Variants in WDR37 observed in about 807,000 individuals in gnomAD.
WDR37 encodes WD repeat domain 37.
A neutral mutation model predicts 62.9 loss-of-function variants in WDR37; 19 were observed. The ratio of observed to expected loss-of-function variants is 0.30; its 90% CI spans 0.21 to 0.44. The LOEUF is 0.44. WDR37 is among the 20% of genes least tolerant of loss of function. WDR37 has a pLI of 1.00. For synonymous variants in WDR37, 250 were observed against 260.9 expected (o/e 0.96, Z 0.40); for missense variants, 474 against 657.6 (o/e 0.72, Z 3.05).
intron 2 of WDR37, among the ~76,000 whole-genome samples, chr10:1,077,338 T>C (rs1833907907): frequency 6.6e-6 from 1 of 152,184 alleles, no homozygotes; most frequent in South Asian, 2.1e-4. Flanking sequence ...AAAAAGTTAA[T>C]GTTTTCACTC....
intron 1 of WDR37, among the ~76,000 whole-genome samples, chr10:1,067,418 T>G (rs1209045486): frequency 1.3e-5 from 2 of 152,196 alleles, no homozygotes; most frequent in Non-Finnish European, 2.9e-5. Flanking sequence ...AAAAGTGTGA[T>G]GCATAGAAAA....
chr10:1,059,235 G>A (rs902434416), intron 1 of WDR37, among the ~76,000 whole-genome samples: 1 of 152,128 alleles, frequency 6.6e-6, no homozygotes, highest in African/African-American at 2.4e-5. Context: ...AATCAGCTGG[G>A]CATGGTGGCG....
chr10:1,116,589 A>T (rs1835409199), intron 11 of WDR37, among the ~76,000 whole-genome samples: 1 of 152,222 alleles, frequency 6.6e-6, no homozygotes, highest in Non-Finnish European at 1.5e-5. Flanking sequence ...AACTCTTAAT[A>T]ATAACTGGCT....
Position 1,127,700 on chromosome 10 carries a change from C to T in WDR37, c.1354-1513C>T, listed in dbSNP as rs902969777. ...CTCATTGGGCGTGAGGGTCCCTGCG[C>T]AAGGGTCTCTGTGACGTGGAGGCTC... On this transcript the variant is annotated intron_variant, in intron 13 of 13. Transcript: ENST00000263150. Among the ~76,000 whole-genome samples, 44 of 152,040 alleles carry T rather than the reference C, an allele frequency of 2.9e-4. 1 individual carries two copies. Among genetic ancestry groups the T allele is most frequent in the Non-Finnish European group, 5.9e-4 (40 of 68,010 alleles).
intron 11 of WDR37, among the ~76,000 whole-genome samples, chr10:1,119,562 T>A (rs1421488960): frequency 1.3e-5 from 2 of 152,222 alleles, no homozygotes; most frequent in Admixed American, 6.5e-5. Flanking sequence ...TGGGCCATGG[T>A]AAACACAGAT....
chr10:1,099,134 C>T (rs2131651746), intron 9 of WDR37, among the ~76,000 whole-genome samples: 1 of 152,312 alleles, frequency 6.6e-6, no homozygotes, highest in East Asian at 1.9e-4. Flanking sequence ...TAAAATTCTT[C>T]ACTTACTGTT....
intron 9 of WDR37, among the ~76,000 whole-genome samples, chr10:1,100,841 T>G (rs1039611584): frequency 2.0e-5 from 3 of 152,168 alleles, no homozygotes; most frequent in Non-Finnish European, 4.4e-5. Context: ...GCCTTCAAGG[T>G]GACGTACCGA....
intron 9 of WDR37, chr10:1,096,482 C>T (rs1834581124): frequency 5.3e-6 from 3 of 565,258 alleles, no homozygotes; most frequent in East Asian, 5.9e-5. Flanking sequence ...CCTGTGTTCT[C>T]AATCTCTCTG....
intron 8 of WDR37, among the ~76,000 whole-genome samples, chr10:1,094,930 C>T (rs137996301): frequency 1.5e-4 from 22 of 150,688 alleles, no homozygotes; most frequent in African/African-American, 4.9e-4. Context: ...GAGAGTTAGA[C>T]TTGGAAACAG....
intron 1 of WDR37, among the ~76,000 whole-genome samples, chr10:1,061,280 A>G (rs1381954924): frequency 6.6e-6 from 1 of 152,100 alleles, no homozygotes; most frequent in Admixed American, 6.5e-5. Flanking sequence ...TTTAGATTCC[A>G]TGGTATACCA....
chr10:1,092,853 A>G (rs1834442078), intron 7 of WDR37, among the ~76,000 whole-genome samples: 1 of 136,760 alleles, frequency 7.3e-6, no homozygotes, highest in Non-Finnish European at 1.5e-5. Flanking sequence ...CTAGGCAACC[A>G]GAGCAAGACC....
At chr10:1,076,446 G>A (rs762621279) in intron 2 of WDR37, among the ~76,000 whole-genome samples, 4 of 152,058 alleles carry the variant, frequency 2.6e-5, no homozygotes, top group Non-Finnish European at 5.9e-5. Context: ...TTGGGAGACC[G>A]AGGTGGGCAG....
At position 1,129,890 on chromosome 10, in the gene WDR37, T is replaced by G. The variant is rs1046353674; in HGVS notation, c.*546T>G. The G allele has an allele frequency of 2.0e-5, 3 of 152,244 alleles. No homozygotes were observed. Among genetic ancestry groups the G allele is most frequent in the African/African-American group, 7.2e-5 (3 of 41,430 alleles). 9.4% of individuals were successfully genotyped at this position (152,244 alleles called of 1,614,324 possible). A position where few individuals can be genotyped will look rare whatever the true frequency, so the allele number is the denominator to read the frequency against. Reference sequence around the variant, plus strand: ...CTGTTACAGTTCTGCAAAGGTAACCTGGAGTTTAGAAGTTAAAAAAAAGCA... The same window carrying G: ...CTGTTACAGTTCTGCAAAGGTAACCGGGAGTTTAGAAGTTAAAAAAAAGCA... On this transcript the variant is annotated 3_prime_UTR_variant, in exon 14 of 14. Transcript: ENST00000263150.
intron 1 of WDR37, among the ~76,000 whole-genome samples, chr10:1,069,389 A>ATATATATATATATATTTTTTTT: frequency 2.1e-5 from 2 of 95,806 alleles, no homozygotes; most frequent in Admixed American, 1.2e-4. Flanking sequence ...ATATATATAT[A>ATATATATATATATATTTTTTTT]TTTTTTTTTT....
chr10:1,075,812 C>T (rs1299901291), intron 2 of WDR37, among the ~76,000 whole-genome samples: 3 of 146,220 alleles, frequency 2.1e-5, no homozygotes, highest in African/African-American at 5.1e-5. Context: ...GACGGAGTCT[C>T]GCTCCGTTGT....
chr10:1,066,120 A>G (rs1302656389), intron 1 of WDR37, among the ~76,000 whole-genome samples: 2 of 150,920 alleles, frequency 1.3e-5, no homozygotes. Context: ...GATATGTAGG[A>G]CTTTTTTTTT....
intron 1 of WDR37, among the ~76,000 whole-genome samples, chr10:1,069,389 A>ATATATATATATAT: frequency 5.2e-5 from 5 of 95,780 alleles, no homozygotes; most frequent in African/African-American, 9.4e-5. Flanking sequence ...ATATATATAT[A>ATATATATATATAT]TTTTTTTTTT....
At position 1,124,859 on chromosome 10, in the gene WDR37, C is replaced by G. The variant is rs781238167; in HGVS notation, c.1239-51C>G. ...GCTTCATTATCTGTCAACTCAAAAA[C>G]TTACAGTGTCACTGTTTCATGCACA... On this transcript the variant is annotated intron_variant, in intron 12 of 13. Transcript: ENST00000263150. The G allele has an allele frequency of 1.1e-5, 17 of 1,599,330 alleles. 1 individual carries two copies. The Admixed American group carries it at 2.6e-4, about 24-fold the overall frequency.
chr10:1,085,348 G>A (rs988967195), intron 6 of WDR37, among the ~76,000 whole-genome samples: 7 of 152,176 alleles, frequency 4.6e-5, no homozygotes. Context: ...GTGGAGTGCA[G>A]TTGAGGGACA....
Sources: gnomAD v4.1 joint callset for allele counts (sites outside exome capture counted in the v4.1 genomes callset) on GRCh38, gnomAD v4.1.1 for gene constraint, MANE v1.5 for transcripts, NCBI Gene and HGNC (gene_info 2026-07-23, HGNC 2026-07-21) for gene names.